Variants in FNDC3A observed in about 807,000 individuals in gnomAD.
FNDC3A encodes fibronectin type III domain containing 3A, also known as fibronectin type-III domain-containing protein 3A.
Under a neutral mutation model 148.9 loss-of-function variants are expected in FNDC3A, and 32 were observed. That is an observed-to-expected ratio of 0.21 (90% CI 0.16 to 0.29). The LOEUF is 0.29. FNDC3A is among the 10% of genes least tolerant of loss of function. FNDC3A has a pLI of 1.00. For missense variants in FNDC3A, 1,191 were observed against 1,452.8 expected, an observed-to-expected ratio of 0.82 and a Z score of 2.93; for synonymous variants, 472 against 473.6, an observed-to-expected ratio of 1.00 and a Z score of 0.04.
At chr13:48,995,004 A>C (rs1951998075) in intron 1 of FNDC3A, among the ~76,000 whole-genome samples, 2 of 152,160 alleles carry the variant, frequency 1.3e-5, no homozygotes, top group African/African-American at 4.8e-5. Context: ...TTTAACTCTT[A>C]CATCATGATC....
intron 1 of FNDC3A, among the ~76,000 whole-genome samples, chr13:49,005,074 T>A (rs1383594988): frequency 6.6e-6 from 1 of 151,892 alleles, no homozygotes; most frequent in Non-Finnish European, 1.5e-5. Flanking sequence ...ATAAAATGGC[T>A]CATTTTACAT....
intron 1 of FNDC3A, among the ~76,000 whole-genome samples, chr13:48,989,874 C>T (rs181248633): frequency 2.6e-5 from 4 of 152,100 alleles, no homozygotes; most frequent in African/African-American, 9.6e-5. Context: ...GCTTCAGCCT[C>T]CCGAGTAGCT....
intron 2 of FNDC3A, among the ~76,000 whole-genome samples, chr13:49,043,796 G>C (rs1875141471): frequency 6.6e-6 from 1 of 151,810 alleles, no homozygotes; most frequent in Non-Finnish European, 1.5e-5. Flanking sequence ...CTAATATTCA[G>C]CATAATGATC....
At chr13:49,024,071 A>G (rs1873523636) in intron 2 of FNDC3A, among the ~76,000 whole-genome samples, 1 of 152,026 alleles carries the variant, frequency 6.6e-6, no homozygotes, top group Non-Finnish European at 1.5e-5. Flanking sequence ...CAGAAATACA[A>G]AGGATTATTA....
At chr13:49,166,004 G>C (rs1884438394) in intron 8 of FNDC3A, among the ~76,000 whole-genome samples, 1 of 152,080 alleles carries the variant, frequency 6.6e-6, no homozygotes, top group Admixed American at 6.5e-5. Context: ...TCAAACACTG[G>C]GGGCACAGAG....
chr13:49,034,385 C>T (rs945288977), intron 2 of FNDC3A, among the ~76,000 whole-genome samples: 1 of 151,980 alleles, frequency 6.6e-6, no homozygotes, highest in African/African-American at 2.4e-5. Context: ...TGAAATGACT[C>T]TTTCATACAG....
chr13:49,155,498 G>GT (rs1453428713), intron 8 of FNDC3A, among the ~76,000 whole-genome samples: 58 of 143,786 alleles, frequency 4.0e-4, no homozygotes, highest in Non-Finnish European at 5.9e-4. Flanking sequence ...TTTTTGAAGG[G>GT]TTTTTTGTGT....
intron 1 of FNDC3A, chr13:48,976,909 A>T (rs995102734): frequency 6.6e-6 from 1 of 152,216 alleles, no homozygotes; most frequent in South Asian, 2.1e-4. Flanking sequence ...AAACGACGTC[A>T]TGTGTTAGGT....
At chr13:49,112,159 T>C (rs927655434) in intron 3 of FNDC3A, among the ~76,000 whole-genome samples, 2 of 152,214 alleles carry the variant, frequency 1.3e-5, no homozygotes, top group Non-Finnish European at 2.9e-5. Flanking sequence ...TTTGACAGCA[T>C]ATAAAAGGAC....
intron 2 of FNDC3A, among the ~76,000 whole-genome samples, chr13:49,049,282 G>A (rs1044087134): frequency 2.0e-5 from 3 of 151,814 alleles, no homozygotes; most frequent in Non-Finnish European, 4.4e-5. Context: ...TTTTTGTTTC[G>A]TCCTTCCCTG....
intron 3 of FNDC3A, among the ~76,000 whole-genome samples, chr13:49,105,021 A>G (rs12867475): frequency 0.13 from 20,103 of 152,172 alleles, 1,606 homozygotes; most frequent in African/African-American, 0.23. Flanking sequence ...GGAAGAGTAT[A>G]TTTGCAACCA....
In FNDC3A at chr13:49,161,076, C is replaced by G. The variant is rs547640769; in HGVS notation, c.978-6168C>G. On this transcript the variant is annotated intron_variant, in intron 8 of 25. Transcript: ENST00000492622. ...GTTTTGGAATAAGTCTGATGTGGTGCTGAGAAGAATGTATATTCTATTGAT... is the reference window on the plus strand; with the variant it reads ...GTTTTGGAATAAGTCTGATGTGGTGGTGAGAAGAATGTATATTCTATTGAT... 6.6e-5 allele frequency among the ~76,000 whole-genome samples: 10 copies of G among 152,236 alleles called. No individual in the cohort carries two copies. In the East Asian group the frequency reaches 1.5e-3, roughly 23 times the overall value.
rs1007933113 is a variant in FNDC3A at position 48,975,932 on chromosome 13, A to T, written c.-285A>T. Reference sequence around the variant, plus strand: ...TCCTCCTCCCGGCTCCGTAGTAAGCATGGCGGCGGCGGCGTTCGTGGTCCC... The same window carrying T: ...TCCTCCTCCCGGCTCCGTAGTAAGCTTGGCGGCGGCGGCGTTCGTGGTCCC... On this transcript the variant is annotated 5_prime_UTR_variant, in exon 1 of 26. It removes an upstream start codon present in the reference 5' UTR. Coordinates refer to ENST00000492622, the MANE Select transcript of FNDC3A (RefSeq NM_001079673.2). 1 of 152,038 alleles carries T rather than the reference A, an allele frequency of 6.6e-6. No homozygotes were observed. Among genetic ancestry groups the T allele is most frequent in the Non-Finnish European group, 1.5e-5 (1 of 68,038 alleles). 9.4% of individuals were successfully genotyped at this position (152,038 alleles called of 1,614,324 possible).
At chr13:49,072,001 G>A (rs1877727839) in intron 2 of FNDC3A, among the ~76,000 whole-genome samples, 1 of 151,994 alleles carries the variant, frequency 6.6e-6, no homozygotes, top group African/African-American at 2.4e-5. Flanking sequence ...TTCCTTTGCT[G>A]TGCAAAAGCT....
intron 3 of FNDC3A, among the ~76,000 whole-genome samples, chr13:49,097,382 T>C (rs1566247686): frequency 6.6e-6 from 1 of 152,022 alleles, no homozygotes. Flanking sequence ...TAAACACTTT[T>C]TCTTAAGAAA....
chr13:49,190,639 C>T (rs1885835820), intron 17 of FNDC3A, among the ~76,000 whole-genome samples: 1 of 152,126 alleles, frequency 6.6e-6, no homozygotes, highest in Admixed American at 6.5e-5. Flanking sequence ...TTAAAACATC[C>T]CTCCTTAGAA....
At position 49,201,974 on chromosome 13, in the gene FNDC3A, A is replaced by C; in HGVS notation, c.3154+8A>C. ...TCCCAGCTGCCTTGAAAGGTAAGTT[A>C]TACATCCTGAACTTATTTTCTTTAT... is the stretch of plus-strand genomic sequence containing the variant. On this transcript the variant is annotated splice_region_variant and intron_variant, in intron 24 of 25. Coordinates refer to ENST00000492622, the MANE Select transcript of FNDC3A (RefSeq NM_001079673.2). The C allele has an allele frequency of 6.6e-7, 1 of 1,505,890 alleles. No individual in the cohort carries two copies. Among genetic ancestry groups the C allele is most frequent in the Non-Finnish European group, 8.9e-7 (1 of 1,125,046 alleles). The allele number at this position is 1,505,890 out of a possible 1,614,324, so 93.3% of individuals were successfully genotyped here.
At chr13:49,139,907 C>T (rs1354040758) in intron 7 of FNDC3A, among the ~76,000 whole-genome samples, 2 of 152,144 alleles carry the variant, frequency 1.3e-5, no homozygotes, top group African/African-American at 4.8e-5. Context: ...GAAATTTAGG[C>T]AGTATCCTTC....
chr13:49,195,545 G>C (rs1280932217), intron 19 of FNDC3A, among the ~76,000 whole-genome samples: 2 of 152,066 alleles, frequency 1.3e-5, no homozygotes, highest in African/African-American at 2.4e-5. Context: ...ACATTGAATA[G>C]TTGGTTTCAC....
Sources: gnomAD v4.1 joint callset for allele counts (sites outside exome capture counted in the v4.1 genomes callset) on GRCh38, gnomAD v4.1.1 for gene constraint, MANE v1.5 for transcripts, NCBI Gene and HGNC (gene_info 2026-07-23, HGNC 2026-07-21) for gene names.